LRIF1: variants seen among roughly 807,000 people sequenced by gnomAD.
The protein encoded by LRIF1 is ligand dependent nuclear receptor interacting factor 1.
A neutral mutation model predicts 52.7 loss-of-function variants in LRIF1; 32 were observed. The ratio of observed to expected loss-of-function variants is 0.61; its 90% confidence interval spans 0.46 to 0.82. The LOEUF (loss-of-function observed/expected upper bound fraction) is 0.82. Among genes scored for constraint, LRIF1 ranks in the 40% least tolerant of loss-of-function variants. LRIF1 has a pLI of 0.00. For synonymous variants in LRIF1, 323 were observed against 317.4 expected (o/e 1.02, Z -0.19); for missense variants, 887 against 892.0 (o/e 0.99, Z 0.07).
chr1:110,915,490 A>AAAATAAATAAATAAAT, the LRIF1 span, among the ~76,000 whole-genome samples: 802 of 141,936 alleles, frequency 5.7e-3, 5 homozygotes, highest in African/African-American at 0.019. Context: ...TCCGTCTCAA[A>AAAATAAATAAATAAAT]AAATAAATAA....
At chr1:110,928,465 A>G in the LRIF1 span, among the ~76,000 whole-genome samples, 1 of 152,214 alleles carries the variant, frequency 6.6e-6, no homozygotes, top group Non-Finnish European at 1.5e-5. Flanking sequence ...TTCTGCATTT[A>G]TGTTCAGTGG....
chr1:110,891,075 T>A, the LRIF1 span, among the ~76,000 whole-genome samples: 1 of 152,268 alleles, frequency 6.6e-6, no homozygotes, highest in Admixed American at 6.5e-5. Context: ...AATGCTGCAG[T>A]TAGAGCTAAA....
chr1:110,885,126 G>A, the LRIF1 span, among the ~76,000 whole-genome samples: 5 of 152,018 alleles, frequency 3.3e-5, no homozygotes, highest in Non-Finnish European at 7.4e-5. Context: ...CATATAAGAA[G>A]CTCACAGTAG....
At chr1:110,963,547 A>T (rs766118158) in intron 1 of LRIF1, 74 bp downstream of exon 1, 17 of 1,326,426 alleles carry the variant, frequency 1.3e-5, no homozygotes, top group Non-Finnish European at 1.8e-5. Context: ...CAGCGTCCGG[A>T]AACGACGGCC....
chr1:110,876,222 A>C, the LRIF1 span, among the ~76,000 whole-genome samples: 2 of 152,268 alleles, frequency 1.3e-5, no homozygotes, highest in East Asian at 3.9e-4. Flanking sequence ...CTTGTCCAAA[A>C]ATCATAAAAT....
chr1:110,961,976 C>T (rs1658971821), intron 1 of LRIF1, among the ~76,000 whole-genome samples: 1 of 151,262 alleles, frequency 6.6e-6, no homozygotes, highest in African/African-American at 2.4e-5. Flanking sequence ...AGTTAATGAA[C>T]TCAAAATGAC....
At chr1:110,883,273 T>C in the LRIF1 span, among the ~76,000 whole-genome samples, 2 of 151,990 alleles carry the variant, frequency 1.3e-5, no homozygotes, top group African/African-American at 4.8e-5. Flanking sequence ...AAAATAGATG[T>C]TGAATTTTGT....
At chr1:110,875,837 G>C in the LRIF1 span, among the ~76,000 whole-genome samples, 1 of 152,202 alleles carries the variant, frequency 6.6e-6, no homozygotes, top group Non-Finnish European at 1.5e-5. Flanking sequence ...TTTTGGGAAA[G>C]AGAAAGACAT....
the LRIF1 span, chr1:110,941,380 T>G: frequency 6.6e-6 from 1 of 152,060 alleles, no homozygotes; most frequent in Non-Finnish European, 1.5e-5. Flanking sequence ...CTACCTCCTT[T>G]CTTTTAATAA....
At chr1:110,962,832 A>G (rs1659015320) in intron 1 of LRIF1, among the ~76,000 whole-genome samples, 1 of 152,008 alleles carries the variant, frequency 6.6e-6, no homozygotes, top group African/African-American at 2.4e-5. Context: ...TCATCACTTA[A>G]TCTACTAACC....
At chr1:110,899,914 T>C in the LRIF1 span, 1 of 152,684 alleles carries the variant, frequency 6.5e-6, no homozygotes, top group Non-Finnish European at 1.5e-5. Flanking sequence ...TAAAAGTTTA[T>C]TATCTCAATC....
Position 110,952,852 on chromosome 1 carries a change from A to G in LRIF1, c.69-37T>C, listed in dbSNP as rs750871660. ...ATTGAGTAAATAAATACAACATACT[A>G]CATGGTATATACATTTTATTTAAAA... On this transcript the variant is annotated intron_variant, in intron 1 of 3. Transcript: ENST00000369763. 6.0e-6 allele frequency: 7 copies of G among 1,172,006 alleles called. No homozygotes were observed. The African/African-American group carries it at 1.1e-4, about 18-fold the overall frequency. 72.6% of individuals were successfully genotyped at this position (1,172,006 alleles called of 1,614,324 possible).
chr1:110,881,316 T>C, the LRIF1 span, among the ~76,000 whole-genome samples: 2 of 152,156 alleles, frequency 1.3e-5, no homozygotes, highest in African/African-American at 4.8e-5. Context: ...TAGATTAGTT[T>C]TCATTTTCTA....
chr1:110,880,426 G>C, the LRIF1 span: 1 of 152,140 alleles, frequency 6.6e-6, no homozygotes, highest in African/African-American at 2.4e-5. Context: ...TGTCTGTGAA[G>C]GAAAGAATCA....
chr1:110,881,616 A>G, the LRIF1 span, among the ~76,000 whole-genome samples: 1 of 152,204 alleles, frequency 6.6e-6, no homozygotes, highest in Non-Finnish European at 1.5e-5. Flanking sequence ...TCTCTTGGGT[A>G]AATACCTAGG....
At chr1:110,907,885 C>A in the LRIF1 span, among the ~76,000 whole-genome samples, 1 of 152,180 alleles carries the variant, frequency 6.6e-6, no homozygotes, top group African/African-American at 2.4e-5. Flanking sequence ...AATCTCTTGC[C>A]TTTTGTTTCA....
chr1:110,902,941 C>T, the LRIF1 span, among the ~76,000 whole-genome samples: 8 of 152,208 alleles, frequency 5.3e-5, no homozygotes, highest in African/African-American at 1.9e-4. Flanking sequence ...CAGCATGATG[C>T]GGAGAGTGTC....
the LRIF1 span, among the ~76,000 whole-genome samples, chr1:110,906,913 A>T: frequency 3.9e-5 from 6 of 152,236 alleles, no homozygotes; most frequent in Admixed American, 3.9e-4. Context: ...TTACTTTAAA[A>T]ATATTGATAC....
Position 110,948,124 on chromosome 1 carries a change from T to C in LRIF1, c.2145A>G (p.Glu715=), listed in dbSNP as rs199904906. The change falls in exon 4 of 4, where the codon GAA becomes GAG. Residue 715 remains glutamate, a synonymous_variant. Transcript: ENST00000369763. ...AATTTTTATTGAAGAAATGACTTTG[T>C]TCATAAGCTGCATTTGAATTCAAAG... The part of the protein sequence containing the change: ...KGTLNSNAAY[E]QSHFFNKNYT... 1.2e-6 allele frequency: 2 copies of C among 1,614,154 alleles called. No individual in the cohort carries two copies. The highest frequency in any genetic ancestry group is 2.2e-5 in the East Asian group (1 of 44,874).
Sources: gnomAD v4.1 joint callset for allele counts (sites outside exome capture counted in the v4.1 genomes callset) on GRCh38, gnomAD v4.1.1 for gene constraint, MANE v1.5 for transcripts, NCBI Gene and HGNC (gene_info 2026-07-23, HGNC 2026-07-21) for gene names.